The following EBF1 variants were observed in gnomAD, a reference collection of about 807,000 sequenced individuals.
The protein encoded by EBF1 is transcription factor COE1.
In EBF1, 10 loss-of-function variants were observed where a neutral mutation model predicts 68.4. The ratio of observed to expected loss-of-function variants is 0.15; its 90% CI spans 0.09 to 0.25. The LOEUF (loss-of-function observed/expected upper bound fraction) is 0.25. Ranked by LOEUF, EBF1 falls within the 10% of genes least tolerant of loss-of-function variation. The probability of loss-of-function intolerance (pLI) is 1.00; values close to 1 mark genes in which losing one functional copy is unlikely to be tolerated. For missense variants in EBF1, 509 were observed against 794.4 expected, an observed-to-expected ratio of 0.64 and a Z score of 4.32; for synonymous variants, 298 against 299.8, an observed-to-expected ratio of 0.99 and a Z score of 0.06.
rs115670060 is a variant in EBF1, at chr5:158,770,449, C to T, written c.1036+6964G>A. 8.3e-3 allele frequency among the ~76,000 whole-genome samples: 1,257 copies of T among 152,220 alleles called. 20 individuals are homozygous for T. The highest frequency in any genetic ancestry group is 0.029 in the African/African-American group (1,188 of 41,544). Reference sequence around the variant, plus strand: ...TGTTCCCAAAATGTAAACCTGGTCACGTCCACCTGTCATTTCAGACACTTC... The same window carrying T: ...TGTTCCCAAAATGTAAACCTGGTCATGTCCACCTGTCATTTCAGACACTTC... On this transcript the variant is annotated intron_variant, in intron 10 of 15. Transcript: ENST00000313708.
At chr5:158,785,568 G>A (rs1777260615) in intron 9 of EBF1, among the ~76,000 whole-genome samples, 1 of 152,128 alleles carries the variant, frequency 6.6e-6, no homozygotes, top group African/African-American at 2.4e-5. Flanking sequence ...TGATTTCTCA[G>A]AGAACGTGAG....
chr5:159,053,688 C>A (rs1774241638), intron 6 of EBF1, among the ~76,000 whole-genome samples: 1 of 151,868 alleles, frequency 6.6e-6, no homozygotes, highest in Non-Finnish European at 1.5e-5. Flanking sequence ...GCACACTACA[C>A]CAATACAAGC....
At chr5:158,731,484 G>A (rs1046304356) in intron 10 of EBF1, among the ~76,000 whole-genome samples, 27 of 152,290 alleles carry the variant, frequency 1.8e-4, no homozygotes, top group African/African-American at 6.0e-4. Flanking sequence ...CTTTAATTCA[G>A]TTGCTCAGGT....
chr5:158,763,638 T>G (rs59658799), intron 10 of EBF1, among the ~76,000 whole-genome samples: 1,713 of 152,278 alleles, frequency 0.011, 34 homozygotes, highest in African/African-American at 0.039. Context: ...ACCTCACCCT[T>G]TCCTTGAGAG....
rs1434470425 is a variant in EBF1 at position 158,823,234 on chromosome 5, A to G, written c.720T>C (p.His240=). The change falls in exon 8 of 16, where the codon CAT becomes CAC. Residue 240 remains histidine (H), a synonymous_variant. Coordinates refer to ENST00000313708, the MANE Select transcript of EBF1 (RefSeq NM_024007.5). ...GGTCAAGCCTCCGAGCCCTCCGCCCATGCTTGGAATTATTATGGACAAACA... is the reference window on the plus strand; with the variant it reads ...GGTCAAGCCTCCGAGCCCTCCGCCCGTGCTTGGAATTATTATGGACAAACA... ...DNMFVHNNSK[H]GRRARRLDPS... is the part of the protein sequence containing the mutation. The G allele has an allele frequency of 1.9e-6, 3 of 1,613,896 alleles. No homozygotes were observed. In the Admixed American group the frequency reaches 5.0e-5, roughly 27 times the overall value.
intron 6 of EBF1, among the ~76,000 whole-genome samples, chr5:159,066,346 C>G (rs1268219943): frequency 6.6e-6 from 1 of 152,112 alleles, no homozygotes; most frequent in African/African-American, 2.4e-5. Flanking sequence ...GCATGTCTAG[C>G]TCAGTCATGA....
In EBF1 at chr5:158,889,901, G is replaced by A. The variant is rs183897133; in HGVS notation, c.555-49791C>T. On this transcript the variant is annotated intron_variant, in intron 6 of 15. Transcript: ENST00000313708. Reference sequence around the variant, plus strand: ...AATAAATGTTTAAAAATACAGTATGGCAACAATTCACATAGCATTTACATT... The same window carrying A: ...AATAAATGTTTAAAAATACAGTATGACAACAATTCACATAGCATTTACATT... 1.8e-4 allele frequency among the ~76,000 whole-genome samples: 28 copies of A among 152,204 alleles called. 1 individual carries two copies. The highest frequency in any genetic ancestry group is 1.8e-3 in the Admixed American group (27 of 15,288).
At chr5:158,871,428 C>T (rs774765591) in intron 6 of EBF1, among the ~76,000 whole-genome samples, 70 of 152,114 alleles carry the variant, frequency 4.6e-4, no homozygotes, top group Non-Finnish European at 9.1e-4. Flanking sequence ...ATTAACACAA[C>T]TGTTGCTATT....
intron 6 of EBF1, among the ~76,000 whole-genome samples, chr5:158,884,288 A>G (rs1302126174): frequency 1.3e-5 from 2 of 152,196 alleles, no homozygotes; most frequent in Non-Finnish European, 2.9e-5. Flanking sequence ...GGTGAAAGTC[A>G]GAGAGATCTC....
chr5:158,891,578 G>C (rs1801191387), intron 6 of EBF1, among the ~76,000 whole-genome samples: 1 of 151,884 alleles, frequency 6.6e-6, no homozygotes, highest in Non-Finnish European at 1.5e-5. Flanking sequence ...TATTTCTCTG[G>C]TAATTTTCCT....
chr5:158,931,762 TAG>T (rs1450057544), intron 6 of EBF1, among the ~76,000 whole-genome samples: 1 of 152,186 alleles, frequency 6.6e-6, no homozygotes, highest in African/African-American at 2.4e-5. Flanking sequence ...TGAGAATATA[TAG>T]AGAGAGGCAT....
chr5:158,853,968 G>T (rs568336821), intron 6 of EBF1, among the ~76,000 whole-genome samples: 1 of 152,094 alleles, frequency 6.6e-6, no homozygotes, highest in African/African-American at 2.4e-5. Flanking sequence ...AAGAGTCAAC[G>T]TCTTGTCTTC....
At chr5:158,853,781 T>C (rs180761976) in intron 6 of EBF1, among the ~76,000 whole-genome samples, 1 of 152,324 alleles carries the variant, frequency 6.6e-6, no homozygotes, top group East Asian at 1.9e-4. Flanking sequence ...CACATACACA[T>C]ACATTTATGT....
chr5:158,954,590 G>A (rs1052341953), intron 6 of EBF1, among the ~76,000 whole-genome samples: 2 of 152,176 alleles, frequency 1.3e-5, no homozygotes, highest in Non-Finnish European at 2.9e-5. Flanking sequence ...CCTAATGAGG[G>A]GGTACGGAGA....
intron 6 of EBF1, among the ~76,000 whole-genome samples, chr5:158,979,326 A>G (rs1757445805): frequency 1.3e-5 from 2 of 152,332 alleles, no homozygotes; most frequent in Non-Finnish European, 2.9e-5. Context: ...AATAAAACAA[A>G]TAAACAAAAT....
At chr5:159,009,900 A>C (rs1178920375) in intron 6 of EBF1, among the ~76,000 whole-genome samples, 2 of 152,244 alleles carry the variant, frequency 1.3e-5, no homozygotes, top group Admixed American at 1.3e-4. Flanking sequence ...TCTCTGCATA[A>C]TTTGTGGTTA....
intron 6 of EBF1, among the ~76,000 whole-genome samples, chr5:159,000,485 T>C (rs927012752): frequency 6.6e-6 from 1 of 152,324 alleles, no homozygotes; most frequent in South Asian, 2.1e-4. Flanking sequence ...GCATTTTTAC[T>C]TGAAAATACA....
chr5:159,076,373 G>T (rs945354899), intron 5 of EBF1, among the ~76,000 whole-genome samples: 1 of 152,080 alleles, frequency 6.6e-6, no homozygotes, highest in African/African-American at 2.4e-5. Context: ...ATCCCAACCC[G>T]TAGAACAAAC....
At chr5:158,794,383 A>G (rs566803555) in intron 9 of EBF1, among the ~76,000 whole-genome samples, 13 of 152,364 alleles carry the variant, frequency 8.5e-5, no homozygotes, top group African/African-American at 2.9e-4. Context: ...TCCAAGTTAC[A>G]TGCTAACCTC....
Sources: gnomAD v4.1 joint callset for allele counts (sites outside exome capture counted in the v4.1 genomes callset) on GRCh38, gnomAD v4.1.1 for gene constraint, MANE v1.5 for transcripts, NCBI Gene and HGNC (gene_info 2026-07-23, HGNC 2026-07-21) for gene names.